ARMC2: variants seen among roughly 807,000 people sequenced by gnomAD.
ARMC2 encodes the protein armadillo repeat containing 2.
In ARMC2, 67 loss-of-function variants were observed where a neutral mutation model predicts 90.3. The ratio of observed to expected loss-of-function variants is 0.74; its 90% CI spans 0.61 to 0.91. ARMC2 has a LOEUF of 0.91. Ranked by LOEUF, ARMC2 falls within the 40% of genes least tolerant of loss-of-function variation. The pLI, the probability that ARMC2 is intolerant of heterozygous loss-of-function variation, is 0.00. For synonymous variants in ARMC2, 393 were observed against 393.0 expected (o/e 1.00, Z 0.00); for missense variants, 920 against 1,030.9 (o/e 0.89, Z 1.47).
At chr6:109,017,252 A>G in the ARMC2 span, among the ~76,000 whole-genome samples, 1 of 152,188 alleles carries the variant, frequency 6.6e-6, no homozygotes, top group African/African-American at 2.4e-5. Flanking sequence ...TTAGCATTCA[A>G]TCATTCATTA....
intron 4 of ARMC2, among the ~76,000 whole-genome samples, chr6:108,871,790 T>G (rs1402086508): frequency 1.3e-5 from 2 of 152,160 alleles, no homozygotes; most frequent in Non-Finnish European, 1.5e-5. Context: ...GCAGCTGTGA[T>G]TTCCCAGCAC....
At chr6:109,036,424 A>C in the ARMC2 span, among the ~76,000 whole-genome samples, 1 of 152,330 alleles carries the variant, frequency 6.6e-6, no homozygotes, top group Admixed American at 6.5e-5. Context: ...TTTGCCTAAT[A>C]AAAGATGGCA....
intron 5 of ARMC2, among the ~76,000 whole-genome samples, chr6:108,893,759 G>A (rs983973810): frequency 2.0e-5 from 3 of 152,238 alleles, no homozygotes; most frequent in Admixed American, 6.5e-5. Flanking sequence ...GCCCATGCCT[G>A]TAATCCCAGC....
the ARMC2 span, among the ~76,000 whole-genome samples, chr6:109,012,243 T>TC: frequency 6.6e-6 from 1 of 151,512 alleles, no homozygotes; most frequent in African/African-American, 2.4e-5. Flanking sequence ...TTTTGATATT[T>TC]CTTTTTTTTT....
intron 11 of ARMC2, among the ~76,000 whole-genome samples, chr6:108,935,031 C>G (rs543706585): frequency 6.6e-6 from 1 of 151,760 alleles, no homozygotes; most frequent in Admixed American, 6.6e-5. Flanking sequence ...GTTATTTTCC[C>G]GAGATCACAC....
chr6:108,890,097 G>A (rs1338509048), intron 5 of ARMC2, among the ~76,000 whole-genome samples: 4 of 145,748 alleles, frequency 2.7e-5, no homozygotes, highest in Non-Finnish European at 4.5e-5. Flanking sequence ...GGCTGAGGCA[G>A]GAGAATGGCG....
rs994362789 is a variant in ARMC2 at position 108,894,367 on chromosome 6, C to A, written c.672-100C>A. 2.8e-5 allele frequency: 29 copies of A among 1,048,360 alleles called. No individual in the cohort carries two copies. In the East Asian group the frequency reaches 5.1e-4, roughly 18 times the overall value. The allele number at this position is 1,048,360 out of a possible 1,614,324, so 64.9% of individuals were successfully genotyped here. A position where few individuals can be genotyped will look rare whatever the true frequency, so the allele number is the denominator to read the frequency against. On this transcript the variant is annotated intron_variant, in intron 5 of 17. Transcript: ENST00000392644. Reference sequence around the variant, plus strand: ...CTGGATGACAGAGTGAGACCTATCTCAAAATAATAAATAAGAAACTGTATA... The same window carrying A: ...CTGGATGACAGAGTGAGACCTATCTAAAAATAATAAATAAGAAACTGTATA...
intron 8 of ARMC2, among the ~76,000 whole-genome samples, chr6:108,907,456 TTC>T (rs1350889773): frequency 4.8e-5 from 6 of 123,910 alleles, no homozygotes; most frequent in South Asian, 3.5e-4. Context: ...TTTTCTTTCT[TTC>T]TTTTTTTTTT....
chr6:108,922,424 C>T (rs1376235595), intron 10 of ARMC2, among the ~76,000 whole-genome samples: 1 of 152,174 alleles, frequency 6.6e-6, no homozygotes, highest in Admixed American at 6.5e-5. Context: ...AGACCTGAGC[C>T]ACTGGGCCCA....
chr6:108,869,920 A>G (rs1034040675), intron 4 of ARMC2, among the ~76,000 whole-genome samples: 3 of 152,210 alleles, frequency 2.0e-5, no homozygotes, highest in African/African-American at 7.2e-5. Flanking sequence ...TAAAAAATGA[A>G]GTAGAATAGA....
At chr6:108,995,453 T>C in the ARMC2 span, among the ~76,000 whole-genome samples, 1 of 152,202 alleles carries the variant, frequency 6.6e-6, no homozygotes, top group African/African-American at 2.4e-5. Flanking sequence ...AGCTGTCACT[T>C]GCTGGGATGA....
chr6:109,022,620 T>C, the ARMC2 span, among the ~76,000 whole-genome samples: 1 of 151,924 alleles, frequency 6.6e-6, no homozygotes, highest in Non-Finnish European at 1.5e-5. Flanking sequence ...GGTTTCACCA[T>C]AGCCAGGATG....
chr6:109,009,413 C>A, the ARMC2 span: 12 of 1,456,534 alleles, frequency 8.2e-6, no homozygotes, highest in Non-Finnish European at 1.1e-5. Flanking sequence ...GCCCCGAGAC[C>A]GCCAAAGGGG....
intron 5 of ARMC2, chr6:108,879,837 A>C (rs952230534): frequency 3.1e-5 from 14 of 446,596 alleles, no homozygotes; most frequent in Non-Finnish European, 5.9e-5. Context: ...ATTTAGCTGT[A>C]TTTGGCAAGT....
At chr6:108,855,356 C>G (rs964124079) in intron 2 of ARMC2, among the ~76,000 whole-genome samples, 1 of 151,280 alleles carries the variant, frequency 6.6e-6, no homozygotes, top group African/African-American at 2.4e-5. Context: ...TCACGCCATT[C>G]TCCTGCCTCA....
At chr6:108,924,923 G>A (rs1287728502) in intron 10 of ARMC2, among the ~76,000 whole-genome samples, 3 of 152,252 alleles carry the variant, frequency 2.0e-5, no homozygotes, top group Non-Finnish European at 2.9e-5. Context: ...AGGGGTGAAC[G>A]TGTGACCAGT....
chr6:109,027,405 A>T, the ARMC2 span, among the ~76,000 whole-genome samples: 4 of 131,358 alleles, frequency 3.0e-5, no homozygotes, highest in Non-Finnish European at 6.2e-5. Context: ...TGAACCAGGG[A>T]GGTGGAGGCT....
chr6:108,950,434 C>T (rs552959846), intron 12 of ARMC2, among the ~76,000 whole-genome samples: 4 of 152,110 alleles, frequency 2.6e-5, no homozygotes, highest in Non-Finnish European at 5.9e-5. Flanking sequence ...CATGGAATAC[C>T]ATGCGGCCAT....
intron 12 of ARMC2, among the ~76,000 whole-genome samples, chr6:108,952,779 A>G (rs1777281172): frequency 6.6e-6 from 1 of 152,228 alleles, no homozygotes. Flanking sequence ...AGAATTTAAG[A>G]TGAAGGATCT....
Sources: allele counts gnomAD v4.1 joint callset (sites outside exome capture counted in the v4.1 genomes callset), GRCh38; gene constraint gnomAD v4.1.1; transcripts MANE v1.5; gene names NCBI Gene and HGNC (gene_info 2026-07-23, HGNC 2026-07-21).